UPF3B: variants seen among roughly 807,000 people sequenced by gnomAD.
The protein encoded by UPF3B is UPF3B regulator of nonsense mediated mRNA decay.
A neutral mutation model predicts 40.3 loss-of-function variants in UPF3B; 7 were observed. That is an observed-to-expected ratio of 0.17 (90% CI 0.10 to 0.33). The LOEUF (loss-of-function observed/expected upper bound fraction) is 0.33. UPF3B is among the 10% of genes least tolerant of loss of function. The pLI is 1.00. For synonymous variants in UPF3B, 117 were observed against 117.3 expected, an observed-to-expected ratio of 1.00 and a Z score of 0.01; for missense variants, 229 against 358.9, an observed-to-expected ratio of 0.64 and a Z score of 2.93.
At chrX:119,808,449 C>T (rs1422807852) in intron 5 of UPF3B, among the ~76,000 whole-genome samples, 1 of 96,889 alleles carries the variant, frequency 1.0e-5, no homozygotes, top group Admixed American at 1.2e-4. Flanking sequence ...TGTGCTACCT[C>T]GACCCTTCTG....
In UPF3B at chrX:119,834,535, T is replaced by G; in HGVS notation, c.*343A>C. The G allele has an allele frequency of 1.1e-6, 1 of 899,662 alleles. No individual in the cohort carries two copies. The highest frequency in any genetic ancestry group is 2.0e-5 in the African/African-American group (1 of 48,957). 74.1% of individuals were successfully genotyped at this position (899,662 alleles called of 1,213,427 possible). A position where few individuals can be genotyped will look rare whatever the true frequency, so the allele number is the denominator to read the frequency against. ...ATTCAATTCAGGATGAACAACAGCT[T>G]TTGATTTTAGAACCAGCTCTTACTT... On this transcript the variant is annotated 3_prime_UTR_variant, in exon 11 of 11. Coordinates refer to ENST00000276201, the MANE Select transcript of UPF3B (RefSeq NM_080632.3).
intron 4 of UPF3B, among the ~76,000 whole-genome samples, chrX:119,821,423 T>C (rs181057954): frequency 8.8e-6 from 1 of 113,227 alleles, no homozygotes; most frequent in Admixed American, 9.3e-5. Context: ...AGGCAATGCC[T>C]GTGAAGGCAG....
chrX:119,836,385 GAC>G (rs1764977795), intron 10 of UPF3B, among the ~76,000 whole-genome samples: 1 of 111,278 alleles, frequency 9.0e-6, no homozygotes, highest in Non-Finnish European at 1.9e-5. Flanking sequence ...ATTTTAAAAA[GAC>G]ATTAATGAAG....
intron 4 of UPF3B, 117 bp from the exon 5 acceptor site, chrX:119,843,418 A>G (rs2056190979): frequency 1.8e-6 from 1 of 540,995 alleles, no homozygotes; most frequent in African/African-American, 2.3e-5. Context: ...GAAGATTAAA[A>G]AAAACCAAAC....
intron 5 of UPF3B, among the ~76,000 whole-genome samples, chrX:119,811,456 G>A (rs2055827218): frequency 9.1e-6 from 1 of 110,158 alleles, no homozygotes; most frequent in Non-Finnish European, 1.9e-5. Flanking sequence ...GACCATCCTC[G>A]CCAACATGGT....
chrX:119,839,998 C>T (rs2056143558), intron 8 of UPF3B, among the ~76,000 whole-genome samples: 1 of 111,049 alleles, frequency 9.0e-6, no homozygotes, highest in South Asian at 3.8e-4. Context: ...CAGTAATGAG[C>T]CCCGTAGAGA....
Position 119,837,929 on chromosome X carries a change from T to C in UPF3B, c.1130A>G (p.Lys377Arg), listed in dbSNP as rs754024994. ...AGTCTTCTCTTTCTCATAGCGCTCCTTCTGCCTACGGCGCTCTTCTTCTTG... is the reference window on the plus strand; with the variant it reads ...AGTCTTCTCTTTCTCATAGCGCTCCCTCTGCCTACGGCGCTCTTCTTCTTG... ...KRQEEERRRQ[K>R]ERYEKEKTFK... The change falls in exon 10 of 11, where the codon AAG (lysine) becomes AGG (arginine). Residue 377 changes from lysine (K) to arginine (R), a missense_variant. By Grantham distance (26) the Lys-to-Arg change is conservative (BLOSUM62 2). Transcript: ENST00000276201. The C allele has an allele frequency of 4.1e-6, 5 of 1,211,278 alleles. No homozygotes were observed. The highest frequency in any genetic ancestry group is 5.6e-6 in the Non-Finnish European group (5 of 895,517).
At chrX:119,846,504 G>A (rs1344619154) in intron 3 of UPF3B, among the ~76,000 whole-genome samples, 10 of 76,677 alleles carry the variant, frequency 1.3e-4, no homozygotes, top group Admixed American at 4.3e-4. Flanking sequence ...CTCGAGCCTG[G>A]TAAAAAAAAA....
chrX:119,811,367 C>G (rs2055826467), intron 5 of UPF3B, among the ~76,000 whole-genome samples: 2 of 110,612 alleles, frequency 1.8e-5, no homozygotes, highest in African/African-American at 6.6e-5. Context: ...AAATCCATGG[C>G]CGGGTGCGGT....
Position 119,836,722 on chromosome X carries a change from C to T in UPF3B, c.1302+1035G>A, listed in dbSNP as rs747636419. Among the ~76,000 whole-genome samples the T allele has an allele frequency of 9.4e-3, 1,004 of 106,386 alleles. 5 individuals carry two copies. Among genetic ancestry groups the T allele is most frequent in the Non-Finnish European group, 0.015 (767 of 51,652 alleles). 92.4% of individuals were successfully genotyped at this position (106,386 alleles called of 115,157 possible). On this transcript the variant is annotated intron_variant, in intron 10 of 10. Transcript: ENST00000276201. ...CTGGAGTGCAGTGACGCGATCTCGG[C>T]TCACTGCAAGCTCCGCCTCCCAGGT...
rs188845291 is a variant in UPF3B at position 119,816,946 on chromosome X, A to T, written c.495-1639T>A. The stretch of plus-strand genomic sequence containing the variant: ...ATATATAAAGAGAAGAGGTTTAATT[A>T]TTTTATTTTATTTTTATTTATTTAT... On this transcript the variant is annotated intron_variant, in intron 4 of 6. Coordinates refer to the UPF3B transcript ENST00000636792. Among the ~76,000 whole-genome samples the T allele has an allele frequency of 7.2e-4, 80 of 111,127 alleles. 1 individual carries two copies. In the East Asian group the frequency reaches 0.018, roughly 25 times the overall value.
Position 119,834,208 on chromosome X carries a change from C to T in UPF3B, c.*670G>A. 5.3e-6 allele frequency: 4 copies of T among 755,277 alleles called. No homozygotes were observed. The highest frequency in any genetic ancestry group is 6.3e-6 in the Non-Finnish European group (4 of 639,747). 62.2% of individuals were successfully genotyped at this position (755,277 alleles called of 1,213,427 possible). On this transcript the variant is annotated 3_prime_UTR_variant, in exon 11 of 11. Coordinates refer to ENST00000276201, the MANE Select transcript of UPF3B (RefSeq NM_080632.3). ...GTCAAACAAGGACTACATTTTACCT[C>T]TTAATAGAAAAGATGCTGATGACAA...
intron 5 of UPF3B, among the ~76,000 whole-genome samples, chrX:119,812,855 G>A (rs1001688303): frequency 8.1e-5 from 9 of 110,529 alleles, no homozygotes; most frequent in African/African-American, 3.0e-4. Context: ...TCTCTTTTAG[G>A]TCATCAGTTT....
At chrX:119,843,323 CAGAAAATATAAT>C in intron 4 of UPF3B, 22 bp from the exon 5 acceptor site, 6 of 996,284 alleles carry the variant, frequency 6.0e-6, no homozygotes, top group Non-Finnish European at 8.6e-6. Context: ...TTTGAGGAAA[CAGAAAATATAAT>C]AGACTTTAAA....
intron 9 of UPF3B, 65 bp downstream of exon 9, chrX:119,838,302 C>A: frequency 4.3e-6 from 5 of 1,153,319 alleles, no homozygotes; most frequent in Non-Finnish European, 4.7e-6. Flanking sequence ...AGGTACATGT[C>A]CAGGACATAG....
intron 6 of UPF3B, among the ~76,000 whole-genome samples, chrX:119,806,395 A>C (rs1457403593): frequency 1.0e-5 from 1 of 97,475 alleles, no homozygotes; most frequent in Non-Finnish European, 2.1e-5. Flanking sequence ...ATGACGAGTT[A>C]GTGGGTGCAG....
intron 3 of UPF3B, among the ~76,000 whole-genome samples, chrX:119,827,992 T>G (rs1383364527): frequency 1.8e-5 from 2 of 110,787 alleles, no homozygotes; most frequent in Non-Finnish European, 3.8e-5. Context: ...TGCCTCGGCC[T>G]CCCAAAGTTC....
chrX:119,837,164 A>C (rs1222523854), intron 10 of UPF3B, among the ~76,000 whole-genome samples: 1 of 105,992 alleles, frequency 9.4e-6, no homozygotes, highest in Non-Finnish European at 1.9e-5. Flanking sequence ...AGGCTGGTCT[A>C]GAACTCCTAG....
chrX:119,821,566 G>A, intron 4 of UPF3B, among the ~76,000 whole-genome samples: 1 of 112,500 alleles, frequency 8.9e-6, no homozygotes, highest in Admixed American at 9.4e-5. Context: ...GGGAGGCTGA[G>A]GCCGGTGGAT....
Sources: allele counts gnomAD v4.1 joint callset (sites outside exome capture counted in the v4.1 genomes callset), GRCh38; gene constraint gnomAD v4.1.1; transcripts MANE v1.5; gene names NCBI Gene and HGNC (gene_info 2026-07-23, HGNC 2026-07-21).